Variants in PTPN14 observed in about 807,000 individuals in gnomAD.
PTPN14 encodes tyrosine-protein phosphatase non-receptor type 14.
In PTPN14, 53 loss-of-function variants were observed where a neutral mutation model predicts 126.8. The observed-to-expected ratio is 0.42, with a 90% CI of 0.34 to 0.53. PTPN14 has a LOEUF of 0.53. Ranked by LOEUF, PTPN14 falls within the 20% of genes least tolerant of loss-of-function variation. PTPN14 has a pLI of 0.08. For synonymous variants in PTPN14, 630 were observed against 599.3 expected (o/e 1.05, Z -0.75); for missense variants, 1,257 against 1,552.9 (o/e 0.81, Z 3.20).
intron 8 of PTPN14, 75 bp from the exon 9 acceptor site, chr1:214,395,061 T>C: frequency 8.1e-7 from 1 of 1,236,350 alleles, no homozygotes; most frequent in South Asian, 1.2e-5. Context: ...GAGGGCTGTT[T>C]GCTGCTATCA....
chr1:214,521,156 C>T (rs933932705), intron 1 of PTPN14, among the ~76,000 whole-genome samples: 7 of 152,204 alleles, frequency 4.6e-5, no homozygotes, highest in East Asian at 1.9e-4. Flanking sequence ...CTTGAAAACA[C>T]ATGAATCAGT....
In PTPN14 at chr1:214,383,897, A is replaced by C. The variant is rs753618746; in HGVS notation, c.1958T>G (p.Met653Arg). ...GAGCGACTTGAGCGTCATGGCCTCCATGCCCCGCACCATGCTGTTCATCAC... is the reference window on the plus strand; with the variant it reads ...GAGCGACTTGAGCGTCATGGCCTCCCTGCCCCGCACCATGCTGTTCATCAC... ...LEVMNSMVRG[M>R]EAMTLKSLHL... The change falls in exon 13 of 19, where the codon ATG becomes AGG. Residue 653 changes from methionine (M) to arginine (R), a missense_variant. Physicochemically the swap from Met to Arg is moderately conservative, Grantham distance 91. Around this residue, in one of 3 missense-constraint regions of PTPN14, gnomAD observed 1,021 missense variants for 1,183.3 expected, o/e 0.86. Transcript: ENST00000366956. The surrounding 1 kb of genome is among the most constrained non-coding windows in gnomAD (Gnocchi z 4.4). 2 of 1,613,318 alleles carry C rather than the reference A, an allele frequency of 1.2e-6. No individual in the cohort carries two copies. Among genetic ancestry groups the C allele is most frequent in the Non-Finnish European group, 1.7e-6 (2 of 1,179,986 alleles).
chr1:214,351,310 AAAAG>A lies in PTPN14; in HGVS notation c.*6608_*6611del, dbSNP rs1216956241. ...AAAACTAAAAAAAAAAAAAAAAAGA[AAAAG>A]AAAAAAAAAAAGGCAGCAGACCCTA... On this transcript the variant is annotated 3_prime_UTR_variant, in exon 19 of 19. Coordinates refer to ENST00000366956, the MANE Select transcript of PTPN14 (RefSeq NM_005401.5). 5 of 151,860 alleles carry A rather than the reference AAAAG, an allele frequency of 3.3e-5. No individual in the cohort carries two copies. The highest frequency in any genetic ancestry group is 9.7e-5 in the African/African-American group (4 of 41,422). The allele number at this position is 151,860 out of a possible 1,614,324, so 9.4% of individuals were successfully genotyped here. A position where few individuals can be genotyped will look rare whatever the true frequency, so the allele number is the denominator to read the frequency against.
In PTPN14 at chr1:214,353,193, G is replaced by A. The variant is rs1419859138; in HGVS notation, c.*4729C>T. ...AAGGGGGCAATCAAGGACCCTCTGA[G>A]AATACCAGAATCCATGGATGTTCAA... On this transcript the variant is annotated 3_prime_UTR_variant, in exon 19 of 19. Transcript: ENST00000366956. 1 of 151,986 alleles carries A rather than the reference G, an allele frequency of 6.6e-6. No homozygotes were observed. Among genetic ancestry groups the A allele is most frequent in the African/African-American group, 2.4e-5 (1 of 41,354 alleles). The allele number at this position is 151,986 out of a possible 1,614,324, so 9.4% of individuals were successfully genotyped here.
chr1:214,532,704 G>A (rs1014622882), intron 1 of PTPN14: 7 of 795,046 alleles, frequency 8.8e-6, no homozygotes, highest in African/African-American at 3.4e-5. Flanking sequence ...ACTCTCAGGC[G>A]CCAGTCTGTG....
In PTPN14 at chr1:214,372,743, C is replaced by T. The variant is rs1236135978; in HGVS notation, c.3004G>A (p.Val1002Met). The T allele has an allele frequency of 1.2e-6, 2 of 1,614,136 alleles. No homozygotes were observed. Among genetic ancestry groups the T allele is most frequent in the South Asian group, 2.2e-5 (2 of 91,078 alleles). The change falls in exon 16 of 19, where the codon GTG (valine) becomes ATG (methionine). Residue 1002 changes from valine (V) to methionine (M), a missense_variant. Val to Met is a conservative substitution (Grantham distance 21). This residue lies in a region of PTPN14 where 65 missense variants were observed against 139.7 expected (regional missense o/e 0.47). Coordinates refer to ENST00000366956, the MANE Select transcript of PTPN14 (RefSeq NM_005401.5). ...GCAGTGACCATGGCAATCACATTCA[C>T]TCCCTGCTCCCACACCATCTGCCAG... ...DFWQMVWEQG[V>M]NVIAMVTAEE...
intron 9 of PTPN14, among the ~76,000 whole-genome samples, chr1:214,394,271 T>A (rs571620549): frequency 2.2e-4 from 34 of 151,946 alleles, no homozygotes; most frequent in Non-Finnish European, 4.4e-4. Flanking sequence ...GAATCAGGGG[T>A]CACTAGATGA....
intron 1 of PTPN14, chr1:214,532,886 T>A: frequency 9.7e-7 from 1 of 1,028,328 alleles, no homozygotes; most frequent in Non-Finnish European, 1.5e-6. Context: ...ACCATGGAGG[T>A]TGATGCCCCC....
At chr1:214,493,196 T>A (rs1425742270) in intron 1 of PTPN14, among the ~76,000 whole-genome samples, 1 of 152,176 alleles carries the variant, frequency 6.6e-6, no homozygotes, top group African/African-American at 2.4e-5. Context: ...TACGAGGTTC[T>A]GACTGGGGAC....
At chr1:214,410,380 C>T (rs1439836923) in intron 5 of PTPN14, among the ~76,000 whole-genome samples, 1 of 151,724 alleles carries the variant, frequency 6.6e-6, no homozygotes, top group Non-Finnish European at 1.5e-5. Context: ...CTGCAACCTC[C>T]ACCAGGGGTT....
intron 3 of PTPN14, among the ~76,000 whole-genome samples, chr1:214,415,556 A>G (rs1421781456): frequency 6.6e-6 from 1 of 152,206 alleles, no homozygotes; most frequent in Admixed American, 6.5e-5. Flanking sequence ...GCTCCTGGTA[A>G]CTGTAACTCT....
intron 1 of PTPN14, among the ~76,000 whole-genome samples, chr1:214,490,902 GGGGAA>G (rs1558127132): frequency 9.2e-5 from 2 of 21,712 alleles, no homozygotes; most frequent in African/African-American, 2.0e-4. Flanking sequence ...GGGGAGGGAA[GGGGAA>G]GGAAGGGAAG....
intron 6 of PTPN14, 73 bp downstream of exon 6, chr1:214,402,810 G>A (rs1659064105): frequency 6.6e-7 from 1 of 1,519,298 alleles, no homozygotes; most frequent in South Asian, 1.1e-5. Context: ...CTGATAGGGA[G>A]ATGGATGCCT....
At chr1:214,503,396 AG>A (rs1341601460) in intron 1 of PTPN14, among the ~76,000 whole-genome samples, 2 of 152,234 alleles carry the variant, frequency 1.3e-5, no homozygotes, top group East Asian at 3.8e-4. Flanking sequence ...GAATCTTAGA[AG>A]AGACTGAAGC....
intron 2 of PTPN14, among the ~76,000 whole-genome samples, chr1:214,458,939 T>C (rs6676956): frequency 0.83 from 125,935 of 151,956 alleles, 52,299 homozygotes; most frequent in African/African-American, 0.89. Context: ...ATGACATTAT[T>C]GGAATTCTGA....
At position 214,541,823 on chromosome 1, in the gene PTPN14, A is replaced by G. The variant is rs12073884; in HGVS notation, c.-155+9360T>C. ...TTCGCTTATTGTATTGTGCTGAGTGAGCTCCTGTGTGCTTCAGACAAAAAT... is the reference window on the plus strand; with the variant it reads ...TTCGCTTATTGTATTGTGCTGAGTGGGCTCCTGTGTGCTTCAGACAAAAAT... On this transcript the variant is annotated intron_variant, in intron 1 of 18. Coordinates refer to ENST00000366956, the MANE Select transcript of PTPN14 (RefSeq NM_005401.5). Among the ~76,000 whole-genome samples, 1,511 of 152,224 alleles carry G rather than the reference A, an allele frequency of 9.9e-3. 25 individuals are homozygous for G. The highest frequency in any genetic ancestry group is 0.034 in the African/African-American group (1,421 of 41,534).
At chr1:214,543,591 T>A (rs1655894594) in intron 1 of PTPN14, among the ~76,000 whole-genome samples, 1 of 151,982 alleles carries the variant, frequency 6.6e-6, no homozygotes, top group African/African-American at 2.4e-5. Context: ...CTCTTATCCC[T>A]CAGGTCAGCA....
chr1:214,490,423 T>C (rs1661203184), intron 1 of PTPN14, among the ~76,000 whole-genome samples: 2 of 152,338 alleles, frequency 1.3e-5, no homozygotes, highest in South Asian at 4.1e-4. Flanking sequence ...AAAAATCATA[T>C]TGTTTCATGT....
chr1:214,357,954 T>A lies in PTPN14; in HGVS notation c.3532A>T (p.Ile1178Phe), dbSNP rs769480962. ...AQYKFVYQVL[I>F]QFLQNSRLI ...AGTCTGGAGTTTTGGAGGAACTGGA[T>A]GAGGACTTGGTAGACAAACTTGTAC... Residue 1178 changes from isoleucine to phenylalanine, a missense_variant, in exon 19 of 19, where the codon ATC (isoleucine) becomes TTC (phenylalanine). Physicochemically the swap from Ile to Phe is conservative, Grantham distance 21 (BLOSUM62 0). Around this residue, in one of 3 missense-constraint regions of PTPN14, gnomAD observed 171 missense variants for 229.8 expected, o/e 0.74. Coordinates refer to ENST00000366956, the MANE Select transcript of PTPN14 (RefSeq NM_005401.5). 1 of 1,613,270 alleles carries A rather than the reference T, an allele frequency of 6.2e-7. No individual in the cohort carries two copies. The highest frequency in any genetic ancestry group is 1.1e-5 in the South Asian group (1 of 91,038).
Sources: allele counts gnomAD v4.1 joint callset (sites outside exome capture counted in the v4.1 genomes callset), GRCh38; gene constraint gnomAD v4.1.1; regional missense constraint gnomAD v4.1.1; non-coding constraint Gnocchi (gnomAD v3.1); transcripts MANE v1.5; gene names NCBI Gene and HGNC (gene_info 2026-07-23, HGNC 2026-07-21).